The following DAB1 variants were observed in gnomAD, a reference collection of about 807,000 sequenced individuals.
DAB1 encodes the protein DAB adaptor protein 1.
DAB1 carries 15 observed loss-of-function variants against 64.6 expected under a neutral mutation model. The ratio of observed to expected loss-of-function variants is 0.23; its 90% CI spans 0.16 to 0.36. The LOEUF (loss-of-function observed/expected upper bound fraction) is 0.36, where lower values mean the gene tolerates loss of function less well. Among genes scored for constraint, DAB1 ranks in the 10% least tolerant of loss-of-function variants. DAB1 has a pLI of 1.00. For synonymous variants in DAB1, 235 were observed against 251.9 expected, an observed-to-expected ratio of 0.93 and a Z score of 0.64; for missense variants, 596 against 706.7, an observed-to-expected ratio of 0.84 and a Z score of 1.78.
Position 57,014,970 on chromosome 1 carries a change from C to T in DAB1, c.1357G>A (p.Ala453Thr), listed in dbSNP as rs546641246. 6.2e-7 allele frequency: 1 copy of T among 1,613,868 alleles called. No individual in the cohort carries two copies. Among genetic ancestry groups the T allele is most frequent in the Admixed American group, 1.7e-5 (1 of 60,000 alleles). ...FSSYFNKVGV[A>T]QDTDDCDDFD... Reference sequence around the variant, plus strand: ...TCATCACAGTCGTCTGTATCCTGTGCCACCCCGACTTTGTTGAAGTAACTG... The same window carrying T: ...TCATCACAGTCGTCTGTATCCTGTGTCACCCCGACTTTGTTGAAGTAACTG... The change falls in exon 12 of 15, where the codon GCA (alanine) becomes ACA (threonine). Residue 453 changes from alanine (A) to threonine (T), a missense_variant. This residue lies in a region of DAB1 where 377 missense variants were observed against 400.4 expected (regional missense o/e 0.94). Coordinates refer to ENST00000371236, the MANE Select transcript of DAB1 (RefSeq NM_001365792.1).
At chr1:57,063,907 C>T (rs1650656140) in intron 8 of DAB1, among the ~76,000 whole-genome samples, 1 of 152,182 alleles carries the variant, frequency 6.6e-6, no homozygotes, top group African/African-American at 2.4e-5. Context: ...CAGGAACTGT[C>T]ACAGCTTAGC....
chr1:57,343,998 T>C (rs1570328329), intron 1 of DAB1, among the ~76,000 whole-genome samples: 1 of 152,266 alleles, frequency 6.6e-6, no homozygotes, highest in East Asian at 1.9e-4. Context: ...TCCACTGATG[T>C]GCCAGCCACT....
rs186233781 is a variant in DAB1, at chr1:58,116,674, T to C, written n.387+33837A>G. ...CCTCTTGCTCTCTCTAGATTTTCCA[T>C]TTCTTCCTCTGTAAAATAAAGAAGC... On this transcript the variant is annotated intron_variant and non_coding_transcript_variant, in intron 5 of 20. Transcript: ENST00000485760. Among the ~76,000 whole-genome samples, 98 of 152,324 alleles carry C rather than the reference T, an allele frequency of 6.4e-4. 3 individuals carry two copies. In the East Asian group the frequency reaches 0.017, roughly 26 times the overall value.
At chr1:57,623,963 T>TAG in intron 7 of DAB1, among the ~76,000 whole-genome samples, 1 of 152,302 alleles carries the variant, frequency 6.6e-6, no homozygotes. Context: ...AATGCTTCTC[T>TAG]CCTCCACTGA....
intron 5 of DAB1, among the ~76,000 whole-genome samples, chr1:58,113,538 T>C (rs1652114543): frequency 6.6e-6 from 1 of 152,256 alleles, no homozygotes; most frequent in South Asian, 2.1e-4. Flanking sequence ...AAAACTTCTG[T>C]GTAATGAGAG....
At chr1:57,178,591 G>A (rs1020706667) in intron 2 of DAB1, among the ~76,000 whole-genome samples, 2 of 152,154 alleles carry the variant, frequency 1.3e-5, no homozygotes, top group South Asian at 2.1e-4. Context: ...AAGCAAGGAA[G>A]TATTATGAAA....
At chr1:57,416,827 A>C (rs555435639) in intron 1 of DAB1, among the ~76,000 whole-genome samples, 1 of 152,320 alleles carries the variant, frequency 6.6e-6, no homozygotes, top group African/African-American at 2.4e-5. Flanking sequence ...CGGAGTTAAA[A>C]GGGACAGCTA....
intron 6 of DAB1, among the ~76,000 whole-genome samples, chr1:57,662,388 G>A (rs1180261702): frequency 1.3e-5 from 2 of 152,032 alleles, no homozygotes; most frequent in Admixed American, 6.5e-5. Context: ...TAGAGATGGG[G>A]TTTCTCCATG....
chr1:57,403,852 G>A (rs1483925440), intron 1 of DAB1, among the ~76,000 whole-genome samples: 1 of 152,086 alleles, frequency 6.6e-6, no homozygotes, highest in African/African-American at 2.4e-5. Context: ...AAATTTTTCA[G>A]TTTCTCAGTC....
At chr1:57,439,431 T>TGTTTTTTTTTG (rs780656882) in intron 7 of DAB1, among the ~76,000 whole-genome samples, 2 of 125,230 alleles carry the variant, frequency 1.6e-5, no homozygotes, top group Non-Finnish European at 3.3e-5. Context: ...TTTTCTTTTT[T>TGTTTTTTTTTG]TTTTTTTTTT....
chr1:57,021,858 T>C (rs1308321786), intron 11 of DAB1, among the ~76,000 whole-genome samples: 1 of 152,112 alleles, frequency 6.6e-6, no homozygotes, highest in Non-Finnish European at 1.5e-5. Flanking sequence ...TGATGCCTAC[T>C]TGAGACTTTC....
At chr1:57,268,601 G>A (rs1670760381) in intron 2 of DAB1, among the ~76,000 whole-genome samples, 1 of 152,198 alleles carries the variant, frequency 6.6e-6, no homozygotes, top group South Asian at 2.1e-4. Flanking sequence ...TCTTCCCTGA[G>A]AGCACCTTAC....
chr1:57,344,681 C>T (rs1677939509), intron 1 of DAB1, among the ~76,000 whole-genome samples: 1 of 151,918 alleles, frequency 6.6e-6, no homozygotes, highest in Admixed American at 6.6e-5. Context: ...TACATCTGTG[C>T]TCGTGTGTAA....
intron 1 of DAB1, among the ~76,000 whole-genome samples, chr1:57,388,014 G>A (rs1682029486): frequency 1.3e-5 from 2 of 152,084 alleles, no homozygotes; most frequent in Non-Finnish European, 2.9e-5. Flanking sequence ...AAGCATCAAA[G>A]GTTGACTTCA....
At chr1:58,014,243 A>AG (rs769514014) in intron 5 of DAB1, among the ~76,000 whole-genome samples, 1 of 152,232 alleles carries the variant, frequency 6.6e-6, no homozygotes, top group Non-Finnish European at 1.5e-5. Context: ...ATTAAATAAA[A>AG]GGAGAATTTG....
intron 4 of DAB1, among the ~76,000 whole-genome samples, chr1:58,184,446 C>T (rs972268517): frequency 6.6e-6 from 1 of 151,810 alleles, no homozygotes; most frequent in Non-Finnish European, 1.5e-5. Flanking sequence ...TCAGCTGGAC[C>T]ATTCTGCCTC....
chr1:58,049,137 T>A, intron 5 of DAB1: 1 of 808,276 alleles, frequency 1.2e-6, no homozygotes, highest in Non-Finnish European at 2.2e-6. Flanking sequence ...CCCGGAGCAC[T>A]TGGTGTTTGG....
intron 2 of DAB1, among the ~76,000 whole-genome samples, chr1:58,525,243 G>A (rs1022370743): frequency 4.6e-5 from 7 of 151,970 alleles, no homozygotes; most frequent in African/African-American, 1.7e-4. Context: ...TAAGCTACAT[G>A]GTTCACCTGT....
chr1:57,366,473 G>T (rs1353324914), intron 1 of DAB1, among the ~76,000 whole-genome samples: 2 of 152,230 alleles, frequency 1.3e-5, no homozygotes, highest in Non-Finnish European at 2.9e-5. Flanking sequence ...AGATGGAAGG[G>T]TTGGTTGTTG....
Sources: allele counts gnomAD v4.1 joint callset (sites outside exome capture counted in the v4.1 genomes callset), GRCh38; gene constraint gnomAD v4.1.1; regional missense constraint gnomAD v4.1.1; transcripts MANE v1.5; gene names NCBI Gene and HGNC (gene_info 2026-07-23, HGNC 2026-07-21).